KAZN: variants seen among roughly 807,000 people sequenced by gnomAD.
KAZN encodes the protein kazrin, periplakin interacting protein, also known as kazrin.
In KAZN, 40 loss-of-function variants were observed where a neutral mutation model predicts 87.4. The ratio of observed to expected loss-of-function variants is 0.46; its 90% confidence interval spans 0.36 to 0.60. The LOEUF is 0.60. Ranked by LOEUF, KAZN falls within the 20% of genes least tolerant of loss-of-function variation. KAZN has a pLI of 0.00. For missense variants in KAZN, 898 were observed against 1,073.9 expected, an observed-to-expected ratio of 0.84 and a Z score of 2.29; for synonymous variants, 466 against 458.3, an observed-to-expected ratio of 1.02 and a Z score of -0.22.
chr1:14,906,370 C>T (rs941933144), intron 1 of KAZN, among the ~76,000 whole-genome samples: 1 of 151,964 alleles, frequency 6.6e-6, no homozygotes, highest in Non-Finnish European at 1.5e-5. Context: ...CCAAAAATCA[C>T]GTGGAGTTGC....
chr1:14,321,102 G>C (rs953029015), intron 2 of KAZN, among the ~76,000 whole-genome samples: 3 of 152,232 alleles, frequency 2.0e-5, no homozygotes, highest in African/African-American at 2.4e-5. Flanking sequence ...GCCCCAAGTT[G>C]CAAAAAATGT....
At chr1:14,521,905 A>C (rs1671610983) in intron 2 of KAZN, among the ~76,000 whole-genome samples, 1 of 152,196 alleles carries the variant, frequency 6.6e-6, no homozygotes, top group Non-Finnish European at 1.5e-5. Context: ...CCATAGGAAA[A>C]AATTCATTTT....
At chr1:14,393,841 T>TGAAAA (rs1417029946) in intron 2 of KAZN, among the ~76,000 whole-genome samples, 1 of 49,668 alleles carries the variant, frequency 2.0e-5, no homozygotes, top group Admixed American at 2.9e-4. Flanking sequence ...AGACCCAATC[T>TGAAAA]CAAAAAAAAA....
intron 1 of KAZN, among the ~76,000 whole-genome samples, chr1:14,721,042 A>G (rs1485201810): frequency 6.6e-6 from 1 of 152,158 alleles, no homozygotes; most frequent in African/African-American, 2.4e-5. Flanking sequence ...AAAGAGCACT[A>G]TCTATTTAGG....
At chr1:14,528,031 CTATCTA>C (rs1481419937) in intron 2 of KAZN, among the ~76,000 whole-genome samples, 1 of 149,972 alleles carries the variant, frequency 6.7e-6, no homozygotes, top group East Asian at 1.9e-4. Flanking sequence ...ATCTATCTAT[CTATCTA>C]TCTATCTATC....
Position 14,952,437 on chromosome 1 carries a change from G to T in KAZN, c.227-8247G>T, listed in dbSNP as rs537546536. Among the ~76,000 whole-genome samples the T allele has an allele frequency of 1.3e-5, 2 of 152,106 alleles. 1 individual carries two copies. The highest frequency in any genetic ancestry group is 4.8e-5 in the African/African-American group (2 of 41,464). On this transcript the variant is annotated intron_variant, in intron 1 of 14. Coordinates refer to ENST00000376030, the MANE Select transcript of KAZN (RefSeq NM_201628.3). ...GTATCTGGATTTATTTTGCAGGGAG[G>T]GCTATAAAAATGAGTTTTTAATGGA...
chr1:14,404,895 C>G (rs1217210294), intron 2 of KAZN, among the ~76,000 whole-genome samples: 1 of 152,224 alleles, frequency 6.6e-6, no homozygotes, highest in South Asian at 2.1e-4. Flanking sequence ...TAACACCTGG[C>G]ATTCTGTCAC....
intron 2 of KAZN, among the ~76,000 whole-genome samples, chr1:14,402,095 AAAAAAG>A (rs977367675): frequency 1.4e-4 from 21 of 152,066 alleles, no homozygotes; most frequent in African/African-American, 4.8e-4. Context: ...ATGTAAAAAA[AAAAAAG>A]AGAACATATA....
chr1:14,612,696 G>A (rs1008020370), intron 1 of KAZN, among the ~76,000 whole-genome samples: 2 of 152,150 alleles, frequency 1.3e-5, no homozygotes, highest in African/African-American at 4.8e-5. Context: ...GGGGGCGGGG[G>A]TCTGTCCTGT....
chr1:14,526,555 C>G (rs1406989729), intron 2 of KAZN, among the ~76,000 whole-genome samples: 1 of 152,198 alleles, frequency 6.6e-6, no homozygotes, highest in Non-Finnish European at 1.5e-5. Context: ...TCATCTATAG[C>G]TGAAATTGAC....
chr1:14,161,389 C>T (rs776466084), intron 1 of KAZN, among the ~76,000 whole-genome samples: 4 of 152,272 alleles, frequency 2.6e-5, no homozygotes, highest in African/African-American at 7.2e-5. Flanking sequence ...TGACTGCAAC[C>T]GAAGGTTCTC....
intron 2 of KAZN, among the ~76,000 whole-genome samples, chr1:14,186,081 C>T (rs974846530): frequency 3.9e-5 from 6 of 152,094 alleles, no homozygotes; most frequent in Admixed American, 2.6e-4. Context: ...TTCCATAGAT[C>T]TGTATAGTGC....
At chr1:14,659,410 G>C (rs964866426) in intron 1 of KAZN, among the ~76,000 whole-genome samples, 1 of 151,882 alleles carries the variant, frequency 6.6e-6, no homozygotes. Context: ...TTTTATGGGG[G>C]AGTCACATGG....
intron 1 of KAZN, among the ~76,000 whole-genome samples, chr1:14,779,669 G>A (rs541952971): frequency 4.9e-4 from 75 of 152,242 alleles, no homozygotes; most frequent in African/African-American, 1.7e-3. Flanking sequence ...CCTGCTGACA[G>A]GCTCTCTTCT....
chr1:13,989,995 T>C (rs945658907), intron 1 of KAZN, among the ~76,000 whole-genome samples: 2 of 152,140 alleles, frequency 1.3e-5, no homozygotes. Context: ...ACTACCCAAG[T>C]GAGAAAGTAC....
chr1:14,117,271 G>A (rs1644644433), intron 1 of KAZN, among the ~76,000 whole-genome samples: 1 of 152,132 alleles, frequency 6.6e-6, no homozygotes, highest in Admixed American at 6.5e-5. Flanking sequence ...TTGTGGGAAG[G>A]ATCTGGTGGG....
chr1:15,001,518 T>TGGAGCAGCAGCTCCAAACTC (rs1668470656), intron 2 of KAZN, among the ~76,000 whole-genome samples: 2 of 151,766 alleles, frequency 1.3e-5, no homozygotes, highest in Admixed American at 6.6e-5. Context: ...GGCCTTAGTT[T>TGGAGCAGCAGCTCCAAACTC]CCTCATCCTT....
intron 2 of KAZN, among the ~76,000 whole-genome samples, chr1:14,458,446 T>A (rs1026132080): frequency 6.6e-6 from 1 of 152,228 alleles, no homozygotes; most frequent in Admixed American, 6.5e-5. Context: ...CTCTTCTTTC[T>A]TTCTTTTCCT....
intron 4 of KAZN, among the ~76,000 whole-genome samples, chr1:15,049,513 A>AG (rs1309224085): frequency 2.6e-5 from 4 of 151,820 alleles, no homozygotes; most frequent in Admixed American, 6.5e-5. Flanking sequence ...AGTAGACTCC[A>AG]GACATGGCCA....
Sources: gnomAD v4.1 joint callset for allele counts (sites outside exome capture counted in the v4.1 genomes callset) on GRCh38, gnomAD v4.1.1 for gene constraint, MANE v1.5 for transcripts, NCBI Gene and HGNC (gene_info 2026-07-23, HGNC 2026-07-21) for gene names.